The following OPRM1 variants were observed in gnomAD, a reference collection of about 807,000 sequenced individuals.
OPRM1 encodes the protein opioid receptor mu 1.
Under a neutral mutation model 31.8 loss-of-function variants are expected in OPRM1, and 27 were observed. The ratio of observed to expected loss-of-function variants is 0.85; its 90% CI spans 0.63 to 1.17. The LOEUF (loss-of-function observed/expected upper bound fraction) is 1.17. Ranked by LOEUF, OPRM1 falls within the 50% of genes most tolerant of loss-of-function variation. The pLI is 0.00. For synonymous variants in OPRM1, 196 were observed against 189.9 expected (o/e 1.03, Z -0.26); for missense variants, 536 against 511.1 (o/e 1.05, Z -0.47).
Position 154,112,936 on chromosome 6 carries a change from C to T in OPRM1, c.1165-5747C>T, listed in dbSNP as rs562212507. 8.5e-5 allele frequency among the ~76,000 whole-genome samples: 13 copies of T among 152,242 alleles called. No homozygotes were observed. In the South Asian group the frequency reaches 1.0e-3, roughly 12 times the overall value. ...CCTCCACCATGCACTCCAGGATCCC[C>T]GACCCAATTAAATAAGTCACAGAGA... On this transcript the variant is annotated intron_variant, in intron 3 of 3. Coordinates refer to ENST00000330432, the MANE Select transcript of OPRM1 (RefSeq NM_000914.5).
chr6:154,025,874 A>G (rs1032249937), intron 1 of OPRM1, among the ~76,000 whole-genome samples: 2 of 152,030 alleles, frequency 1.3e-5, no homozygotes, highest in African/African-American at 2.4e-5. Context: ...GTTTCTATTT[A>G]TATCTTATTG....
At chr6:154,169,490 C>T (rs1377045110) in intron 3 of OPRM1, among the ~76,000 whole-genome samples, 1 of 152,216 alleles carries the variant, frequency 6.6e-6, no homozygotes, top group Non-Finnish European at 1.5e-5. Flanking sequence ...TTCTAAAACA[C>T]AGTGTGGGAC....
At chr6:154,153,616 C>T (rs1424636613) in intron 3 of OPRM1, among the ~76,000 whole-genome samples, 1 of 147,298 alleles carries the variant, frequency 6.8e-6, no homozygotes, top group Non-Finnish European at 1.5e-5. Flanking sequence ...ACCCGGGAGG[C>T]GGAGGTTGCA....
At chr6:154,153,103 T>C (rs1798586199) in intron 3 of OPRM1, among the ~76,000 whole-genome samples, 1 of 152,148 alleles carries the variant, frequency 6.6e-6, no homozygotes, top group African/African-American at 2.4e-5. Context: ...ATCTTTCCTA[T>C]GGTGAACATA....
At chr6:154,027,542 G>C (rs1278634892) in intron 1 of OPRM1, among the ~76,000 whole-genome samples, 1 of 152,170 alleles carries the variant, frequency 6.6e-6, no homozygotes, top group Non-Finnish European at 1.5e-5. Flanking sequence ...AGCCAACCAG[G>C]CCTGTGTCCT....
At chr6:154,181,456 G>A (rs1048895487) in intron 3 of OPRM1, among the ~76,000 whole-genome samples, 1 of 152,090 alleles carries the variant, frequency 6.6e-6, no homozygotes, top group Non-Finnish European at 1.5e-5. Context: ...TCCAAAGCTC[G>A]TTTTCTTAAA....
chr6:154,036,652 C>CA (rs1240017991), upstream of OPRM1, among the ~76,000 whole-genome samples: 1 of 151,800 alleles, frequency 6.6e-6, no homozygotes, highest in African/African-American at 2.4e-5. Flanking sequence ...TCAAAAAGGA[C>CA]AAAACGTCTT....
chr6:154,231,918 C>T (rs1344542312), intron 3 of OPRM1, among the ~76,000 whole-genome samples: 2 of 152,220 alleles, frequency 1.3e-5, no homozygotes, highest in Admixed American at 6.5e-5. Context: ...AACATGGTGA[C>T]ATAGCCCCAC....
intron 3 of OPRM1, among the ~76,000 whole-genome samples, chr6:154,096,251 G>A (rs150569726): frequency 1.3e-5 from 2 of 152,098 alleles, no homozygotes; most frequent in South Asian, 2.1e-4. Context: ...GTGGAGATGG[G>A]GTTTCACCTT....
intron 1 of OPRM1, among the ~76,000 whole-genome samples, chr6:154,075,452 CTTT>C (rs113939480): frequency 0.072 from 10,011 of 139,762 alleles, 484 homozygotes; most frequent in Admixed American, 0.16. Context: ...AAAATAAGCA[CTTT>C]TTTTTTTTTT....
At chr6:154,245,708 G>A (rs1185484478) in intron 3 of OPRM1, among the ~76,000 whole-genome samples, 1 of 152,114 alleles carries the variant, frequency 6.6e-6, no homozygotes, top group African/African-American at 2.4e-5. Context: ...AGGCCCTCCA[G>A]TGCTGATCTT....
rs73567104 is a variant in OPRM1, at chr6:154,168,693, C to A, written c.1164+77221C>A. ...CAATCTTGGCTCACTGAAACCTACA[C>A]CTCCCAGGTTCAAGTGATTCTCCTG... On this transcript the variant is annotated intron_variant, in intron 3 of 3. Transcript: ENST00000337049. This position sits in a 1 kb window ranked among gnomAD's most constrained non-coding sequence, Gnocchi z 4.1. Among the ~76,000 whole-genome samples, 7,398 of 152,062 alleles carry A rather than the reference C, an allele frequency of 0.049. 297 individuals are homozygous for A. Among genetic ancestry groups the A allele is most frequent in the South Asian group, 0.19 (924 of 4,800 alleles).
intron 3 of OPRM1, among the ~76,000 whole-genome samples, chr6:154,152,326 A>G (rs1259932128): frequency 1.6e-4 from 6 of 36,766 alleles, no homozygotes; most frequent in South Asian, 7.2e-4. Context: ...AAAGAAAGAA[A>G]GAAAGAAAGA....
In OPRM1 at chr6:154,199,763, T is replaced by A. The variant is rs776193444; in HGVS notation, c.1165-46930T>A. The A allele has an allele frequency of 3.7e-5, 59 of 1,614,056 alleles. No individual in the cohort carries two copies. Among genetic ancestry groups the A allele is most frequent in the Non-Finnish European group, 4.8e-5 (57 of 1,180,018 alleles). On this transcript the variant is annotated intron_variant, in intron 3 of 3. Coordinates refer to the OPRM1 transcript ENST00000337049. ...AGAAGTATCATCACTAGATAAAGAG[T>A]TCAAAAATCCACTTTCTGATGTGAC...
chr6:154,152,590 A>G (rs1313031961), intron 3 of OPRM1, among the ~76,000 whole-genome samples: 1 of 151,252 alleles, frequency 6.6e-6, no homozygotes, highest in Admixed American at 6.6e-5. Flanking sequence ...GGCCTAAATT[A>G]TCCTTTGCTT....
At chr6:154,137,536 A>G (rs115745301) in intron 3 of OPRM1, among the ~76,000 whole-genome samples, 1,974 of 152,316 alleles carry the variant, frequency 0.013, 40 homozygotes, top group African/African-American at 0.045. Context: ...AAATCAATTC[A>G]TAAGTACTCT....
chr6:154,097,326 A>G (rs2128494874), intron 3 of OPRM1, among the ~76,000 whole-genome samples: 1 of 152,330 alleles, frequency 6.6e-6, no homozygotes. Context: ...ACTGTGAACT[A>G]TATTATCCCC....
chr6:154,225,620 G>C (rs1178966175), intron 3 of OPRM1, among the ~76,000 whole-genome samples: 1 of 152,130 alleles, frequency 6.6e-6, no homozygotes, highest in Non-Finnish European at 1.5e-5. Context: ...CTGCTCAATG[G>C]GTAAGGGGTT....
intron 3 of OPRM1, among the ~76,000 whole-genome samples, chr6:154,171,601 C>T (rs1165435523): frequency 6.6e-6 from 1 of 152,186 alleles, no homozygotes; most frequent in Non-Finnish European, 1.5e-5. Flanking sequence ...TGTACACTTT[C>T]ATGTGTGAAT....
Sources: allele counts gnomAD v4.1 joint callset (sites outside exome capture counted in the v4.1 genomes callset), GRCh38; gene constraint gnomAD v4.1.1; non-coding constraint Gnocchi (gnomAD v3.1); transcripts MANE v1.5; gene names NCBI Gene and HGNC (gene_info 2026-07-23, HGNC 2026-07-21).